The following RACGAP1 variants were observed in gnomAD, a reference collection of about 807,000 sequenced individuals.
RACGAP1 encodes rac GTPase-activating protein 1.
A neutral mutation model predicts 78.1 loss-of-function variants in RACGAP1; 30 were observed. The ratio of observed to expected loss-of-function variants is 0.38; its 90% CI spans 0.29 to 0.52. The LOEUF (loss-of-function observed/expected upper bound fraction) is 0.52, where lower values mean the gene tolerates loss of function less well. Ranked by LOEUF, RACGAP1 falls within the 20% of genes least tolerant of loss-of-function variation. The pLI is 0.82. For synonymous variants in RACGAP1, 231 were observed against 264.8 expected (o/e 0.87, Z 1.24); for missense variants, 587 against 777.1 (o/e 0.76, Z 2.91).
chr12:50,027,643 T>C (rs1360664159), upstream of RACGAP1, among the ~76,000 whole-genome samples: 3 of 151,962 alleles, frequency 2.0e-5, no homozygotes, highest in African/African-American at 7.3e-5. Context: ...CTGGCCAACA[T>C]AGTGAAACCG....
chr12:50,026,661 A>C (rs1015623395), upstream of RACGAP1, among the ~76,000 whole-genome samples: 3 of 152,222 alleles, frequency 2.0e-5, no homozygotes, highest in Non-Finnish European at 4.4e-5. Context: ...CAAAAATCAC[A>C]TCACAAATTT....
At chr12:50,018,995 C>T (rs1298319386) in intron 1 of RACGAP1, among the ~76,000 whole-genome samples, 1 of 152,090 alleles carries the variant, frequency 6.6e-6, no homozygotes, top group African/African-American at 2.4e-5. Context: ...CTGTTCATGT[C>T]CATCAACTAC....
At chr12:50,031,334 C>G (rs1950331387) in intron 2 of RACGAP1, among the ~76,000 whole-genome samples, 1 of 151,160 alleles carries the variant, frequency 6.6e-6, no homozygotes, top group Admixed American at 6.6e-5. Flanking sequence ...AAAAAATTAG[C>G]CGGCCATTGT....
intron 1 of RACGAP1, among the ~76,000 whole-genome samples, chr12:50,032,543 G>A (rs1196631848): frequency 6.6e-6 from 1 of 151,462 alleles, no homozygotes; most frequent in Non-Finnish European, 1.5e-5. Context: ...GTGAGTGTGT[G>A]TGTGTGTGTG....
intron 1 of RACGAP1, among the ~76,000 whole-genome samples, chr12:50,024,006 A>C (rs577205098): frequency 1.3e-5 from 2 of 152,144 alleles, no homozygotes; most frequent in South Asian, 4.2e-4. Context: ...CTAAAAATAC[A>C]AAAAATTAGC....
intron 15 of RACGAP1, among the ~76,000 whole-genome samples, chr12:49,991,360 C>G (rs548276405): frequency 2.1e-5 from 3 of 145,502 alleles, no homozygotes; most frequent in African/African-American, 7.6e-5. Flanking sequence ...ATGTTAATAC[C>G]TACTAGAACA....
At chr12:50,023,201 T>C (rs1950098464) in intron 1 of RACGAP1, among the ~76,000 whole-genome samples, 1 of 152,206 alleles carries the variant, frequency 6.6e-6, no homozygotes, top group Non-Finnish European at 1.5e-5. Flanking sequence ...TTCCTTAGAC[T>C]AGATTTCCAA....
At chr12:50,031,757 C>G in exon 2 of RACGAP1, 2 of 985,444 alleles carry the variant, frequency 2.0e-6, no homozygotes, top group Non-Finnish European at 2.4e-6. Flanking sequence ...CATAAACTCC[C>G]GCAGCACTGT....
At chr12:50,014,141 T>G (rs1949513857) in intron 2 of RACGAP1, among the ~76,000 whole-genome samples, 2 of 152,146 alleles carry the variant, frequency 1.3e-5, no homozygotes, top group African/African-American at 4.8e-5. Flanking sequence ...CACAAGTAAG[T>G]ACTATAGAAA....
At chr12:50,005,504 G>A (rs746242079) in intron 3 of RACGAP1, 112 bp from the exon 4 acceptor site, 4 of 1,248,228 alleles carry the variant, frequency 3.2e-6, no homozygotes, top group Admixed American at 2.3e-5. Context: ...TATGCAAATG[G>A]ACCTTCAGGA....
At chr12:49,990,487 CCAA>C (rs1947760345) in intron 16 of RACGAP1, 144 bp from the exon 17 acceptor site, 3 of 845,876 alleles carry the variant, frequency 3.5e-6, no homozygotes, top group African/African-American at 3.5e-5. Flanking sequence ...TTCTTAGTCA[CCAA>C]CAACGAGAGA....
At chr12:50,013,608 T>C (rs1051038721) in intron 2 of RACGAP1, among the ~76,000 whole-genome samples, 5 of 152,212 alleles carry the variant, frequency 3.3e-5, no homozygotes, top group African/African-American at 1.2e-4. Flanking sequence ...AGACTACACC[T>C]CTGCCAGGGT....
chr12:50,017,333 T>C (rs1023480162), intron 1 of RACGAP1, among the ~76,000 whole-genome samples: 1 of 152,174 alleles, frequency 6.6e-6, no homozygotes, highest in African/African-American at 2.4e-5. Flanking sequence ...TCTAATAAAT[T>C]TATACTAAGT....
rs562988628 is a variant in RACGAP1 at position 50,025,254 on chromosome 12, G to A, written c.-5+144C>T. The A allele has an allele frequency of 8.2e-5, 79 of 963,712 alleles. 1 individual carries two copies. In the African/African-American group the frequency reaches 1.3e-3, roughly 15 times the overall value. The allele number at this position is 963,712 out of a possible 1,614,324, so 59.7% of individuals were successfully genotyped here. A position where few individuals can be genotyped will look rare whatever the true frequency, so the allele number is the denominator to read the frequency against. ...CACGACCCCCACCCCAGAAAAGCCC[G>A]AGTGGAGAGGCTGTGGCTGCCAGCC... is the stretch of plus-strand genomic sequence containing the variant. On this transcript the variant is annotated intron_variant, in intron 1 of 16. Transcript: ENST00000312377.
chr12:50,019,005 C>A (rs542532188), intron 1 of RACGAP1, among the ~76,000 whole-genome samples: 1 of 152,096 alleles, frequency 6.6e-6, no homozygotes, highest in East Asian at 1.9e-4. Context: ...CCATCAACTA[C>A]GCTACTCACT....
chr12:50,001,593 A>T (rs536161980), intron 6 of RACGAP1, among the ~76,000 whole-genome samples: 1 of 152,344 alleles, frequency 6.6e-6, no homozygotes, highest in South Asian at 2.1e-4. Flanking sequence ...GCATACACAG[A>T]TAGATCTCTA....
At chr12:50,021,092 A>C in intron 1 of RACGAP1, 1 of 983,124 alleles carries the variant, frequency 1.0e-6, no homozygotes, top group Non-Finnish European at 1.2e-6. Flanking sequence ...AATAGTTGTA[A>C]TTTTCCTGCT....
chr12:50,016,897 G>A, intron 1 of RACGAP1, 178 bp from the exon 2 acceptor site: 1 of 1,374,374 alleles, frequency 7.3e-7, no homozygotes, highest in East Asian at 2.6e-5. Flanking sequence ...AACAAACTTG[G>A]AATGTTTAAG....
At chr12:49,998,244 A>G (rs540543576) in intron 9 of RACGAP1, among the ~76,000 whole-genome samples, 1 of 152,148 alleles carries the variant, frequency 6.6e-6, no homozygotes, top group East Asian at 2.0e-4. Context: ...CTCTACTAAA[A>G]GTACAAAAAA....
Sources: gnomAD v4.1 joint callset for allele counts (sites outside exome capture counted in the v4.1 genomes callset) on GRCh38, gnomAD v4.1.1 for gene constraint, MANE v1.5 for transcripts, NCBI Gene and HGNC (gene_info 2026-07-23, HGNC 2026-07-21) for gene names.